DOCK9: variants seen among roughly 807,000 people sequenced by gnomAD.
The protein encoded by DOCK9 is dedicator of cytokinesis 9, also known as dedicator of cytokinesis protein 9.
A neutral mutation model predicts 263.3 loss-of-function variants in DOCK9; 89 were observed. The ratio of observed to expected loss-of-function variants is 0.34; its 90% CI spans 0.28 to 0.40. The LOEUF (loss-of-function observed/expected upper bound fraction) is 0.40, where lower values mean the gene tolerates loss of function less well. Ranked by LOEUF, DOCK9 falls within the 10% of genes least tolerant of loss-of-function variation. DOCK9 has a pLI of 1.00. For missense variants in DOCK9, 2,140 were observed against 2,603.4 expected, an observed-to-expected ratio of 0.82 and a Z score of 3.87; for synonymous variants, 976 against 973.1, an observed-to-expected ratio of 1.00 and a Z score of -0.06.
rs73564806 is a variant in DOCK9, at chr13:98,939,888, C to T, written c.244-9631G>A. On this transcript the variant is annotated intron_variant, in intron 2 of 52. Transcript: ENST00000682017. ...CTCAGCCAAACTGCATGGTGCCTCACGTCTCTGTAGAATTATGTCCCTTTG... is the reference window on the plus strand; with the variant it reads ...CTCAGCCAAACTGCATGGTGCCTCATGTCTCTGTAGAATTATGTCCCTTTG... Among the ~76,000 whole-genome samples, 578 of 152,344 alleles carry T rather than the reference C, an allele frequency of 3.8e-3. 1 individual carries two copies. The highest frequency in any genetic ancestry group is 0.013 in the African/African-American group (536 of 41,578).
intron 45 of DOCK9, among the ~76,000 whole-genome samples, chr13:98,811,053 T>C (rs1421220606): frequency 6.6e-6 from 1 of 152,218 alleles, no homozygotes; most frequent in Non-Finnish European, 1.5e-5. Flanking sequence ...AGGGGGCCTG[T>C]CTGCCTCAGT....
chr13:98,855,574 A>AAAAT (rs967484933), intron 34 of DOCK9, among the ~76,000 whole-genome samples: 11 of 152,220 alleles, frequency 7.2e-5, no homozygotes, highest in South Asian at 2.1e-4. Flanking sequence ...TCTGTCTCAA[A>AAAAT]AAATAAATAA....
intron 5 of DOCK9, among the ~76,000 whole-genome samples, chr13:98,922,733 A>T (rs1249873546): frequency 6.6e-6 from 1 of 152,258 alleles, no homozygotes; most frequent in Non-Finnish European, 1.5e-5. Flanking sequence ...ACCTAAACTC[A>T]CAATGGGACA....
chr13:98,979,226 T>TAGC (rs1358717905), upstream of DOCK9, among the ~76,000 whole-genome samples: 4 of 123,190 alleles, frequency 3.2e-5, no homozygotes, highest in Non-Finnish European at 5.3e-5. Flanking sequence ...GTAGTAGTAG[T>TAGC]AGTAGCAGCA....
chr13:99,029,539 T>A (rs896022644), intron 1 of DOCK9, among the ~76,000 whole-genome samples: 16 of 152,190 alleles, frequency 1.1e-4, no homozygotes, highest in African/African-American at 3.9e-4. Context: ...ACTAGGATCA[T>A]CAAAGAAGAT....
intron 1 of DOCK9, among the ~76,000 whole-genome samples, chr13:99,065,908 C>T (rs77538406): frequency 6.6e-6 from 1 of 152,200 alleles, no homozygotes; most frequent in Non-Finnish European, 1.5e-5. Context: ...AATGTGTTCA[C>T]TTAATTGATG....
At chr13:98,876,654 CA>C (rs1359917216) in intron 27 of DOCK9, among the ~76,000 whole-genome samples, 1 of 152,056 alleles carries the variant, frequency 6.6e-6, no homozygotes, top group Non-Finnish European at 1.5e-5. Flanking sequence ...GTAAATAAGA[CA>C]AACACAAAAA....
At chr13:99,047,087 A>AT (rs2040467896) in intron 1 of DOCK9, among the ~76,000 whole-genome samples, 6 of 78,450 alleles carry the variant, frequency 7.6e-5, no homozygotes, top group African/African-American at 5.0e-4. Context: ...GCTATGTTGG[A>AT]CTATTCATGG....
intron 52 of DOCK9, among the ~76,000 whole-genome samples, chr13:98,795,058 G>A (rs2089192294): frequency 6.6e-6 from 1 of 152,318 alleles, no homozygotes; most frequent in East Asian, 1.9e-4. Flanking sequence ...GTTTTCAGGT[G>A]AGGATTATAA....
chr13:98,979,795 C>T (rs546452912), upstream of DOCK9, among the ~76,000 whole-genome samples: 4 of 152,116 alleles, frequency 2.6e-5, no homozygotes, highest in East Asian at 1.9e-4. Context: ...CCTATAGAGT[C>T]GAAATTATAG....
At chr13:99,030,601 T>C (rs1887233013) in intron 1 of DOCK9, among the ~76,000 whole-genome samples, 1 of 152,180 alleles carries the variant, frequency 6.6e-6, no homozygotes, top group Non-Finnish European at 1.5e-5. Context: ...GTTGAGAAAA[T>C]TCTCTCTTGT....
chr13:99,018,349 C>A (rs910940462), intron 1 of DOCK9, among the ~76,000 whole-genome samples: 5 of 152,192 alleles, frequency 3.3e-5, no homozygotes, highest in African/African-American at 1.2e-4. Context: ...CACCTTTCAC[C>A]TTCCACCACA....
In DOCK9 at chr13:98,867,336, C is replaced by T. The variant is rs538591631; in HGVS notation, c.3286+89G>A. The T allele has an allele frequency of 2.4e-5, 19 of 808,206 alleles. No individual in the cohort carries two copies. In the Admixed American group the frequency reaches 2.9e-4, roughly 12 times the overall value. The allele number at this position is 808,206 out of a possible 1,614,324, so 50.1% of individuals were successfully genotyped here. On this transcript the variant is annotated intron_variant, in intron 30 of 52. Transcript: ENST00000682017. ...CATCAATGAAAAAAATCAGAAAATT[C>T]AAATATCATGTTTGAATCAATTATC...
intron 1 of DOCK9, chr13:98,959,642 G>A (rs925484233): frequency 6.6e-6 from 1 of 152,354 alleles, no homozygotes; most frequent in Non-Finnish European, 1.5e-5. Context: ...AACAATCAGA[G>A]GAGAATGGGT....
intron 1 of DOCK9, among the ~76,000 whole-genome samples, chr13:99,017,001 CA>C (rs944114818): frequency 6.6e-6 from 1 of 152,156 alleles, no homozygotes; most frequent in Non-Finnish European, 1.5e-5. Flanking sequence ...GTAGTTTAGC[CA>C]TTGGGCCCCA....
At chr13:98,903,480 G>C (rs1338988047) in intron 10 of DOCK9, among the ~76,000 whole-genome samples, 1 of 151,868 alleles carries the variant, frequency 6.6e-6, no homozygotes, top group Non-Finnish European at 1.5e-5. Flanking sequence ...TGTGGTCCCA[G>C]CTACTCGGGA....
intron 1 of DOCK9, among the ~76,000 whole-genome samples, chr13:99,063,506 C>A (rs1043463520): frequency 1.7e-4 from 26 of 152,198 alleles, no homozygotes; most frequent in African/African-American, 6.3e-4. Flanking sequence ...CTCGGGTGAG[C>A]ATCCATATGC....
At chr13:98,858,754 C>G (rs548966952) in intron 33 of DOCK9, 2 of 152,198 alleles carry the variant, frequency 1.3e-5, no homozygotes, top group Admixed American at 1.3e-4. Flanking sequence ...GTACTTTTCA[C>G]AGCTGCAATG....
chr13:98,947,107 G>C (rs1422059148), intron 2 of DOCK9, among the ~76,000 whole-genome samples: 2 of 152,192 alleles, frequency 1.3e-5, no homozygotes, highest in East Asian at 3.9e-4. Flanking sequence ...CAGCACTTGA[G>C]TGTTCCACTA....
Sources: gnomAD v4.1 joint callset for allele counts (sites outside exome capture counted in the v4.1 genomes callset) on GRCh38, gnomAD v4.1.1 for gene constraint, MANE v1.5 for transcripts, NCBI Gene and HGNC (gene_info 2026-07-23, HGNC 2026-07-21) for gene names.